Variants in JHY observed in about 807,000 individuals in gnomAD.
The protein encoded by JHY is jhy protein homolog.
JHY carries 69 observed loss-of-function variants against 78.0 expected under a neutral mutation model. The ratio of observed to expected loss-of-function variants is 0.88; its 90% CI spans 0.73 to 1.08. JHY has a LOEUF of 1.08. Ranked by LOEUF, JHY falls within the 50% of genes least tolerant of loss-of-function variation. The probability of loss-of-function intolerance (pLI) is 0.00; values close to 1 mark genes in which losing one functional copy is unlikely to be tolerated. For synonymous variants in JHY, 368 were observed against 342.6 expected, an observed-to-expected ratio of 1.07 and a Z score of -0.82; for missense variants, 944 against 927.8, an observed-to-expected ratio of 1.02 and a Z score of -0.23.
intron 3 of JHY, among the ~76,000 whole-genome samples, chr11:122,922,165 C>T (rs1863380389): frequency 6.6e-6 from 1 of 152,066 alleles, no homozygotes; most frequent in African/African-American, 2.4e-5. Flanking sequence ...ATTTTTGTTT[C>T]GTGTTTTAGG....
chr11:122,955,343 A>T (rs1864166435), intron 6 of JHY, among the ~76,000 whole-genome samples: 1 of 151,912 alleles, frequency 6.6e-6, no homozygotes, highest in African/African-American at 2.4e-5. Context: ...CTGGTCTCGA[A>T]CTCCTAACCT....
intron 3 of JHY, among the ~76,000 whole-genome samples, chr11:122,919,751 G>C (rs1030343026): frequency 5.3e-5 from 8 of 152,136 alleles, no homozygotes; most frequent in African/African-American, 1.9e-4. Flanking sequence ...GGCTGAGGTG[G>C]GCGGATCACC....
At chr11:122,919,187 A>C (rs1387022474) in intron 3 of JHY, among the ~76,000 whole-genome samples, 1 of 151,660 alleles carries the variant, frequency 6.6e-6, no homozygotes, top group African/African-American at 2.4e-5. Flanking sequence ...CCCCGTCTCT[A>C]CTAAAATTAC....
In JHY at chr11:122,904,237, G is replaced by A. The variant is rs756526451; in HGVS notation, c.657G>A (p.Glu219=). Residue 219 remains glutamate (E), a synonymous_variant, in exon 3 of 9, where the codon GAG becomes GAA. Transcript: ENST00000227349. The part of the protein sequence containing the change: ...PFSELSDSDL[E]EKSSSLSPYV... ...CAGAGCTGAGCGACAGTGACCTGGA[G>A]GAGAAGTCGAGCAGCCTTTCTCCGT... The A allele has an allele frequency of 2.5e-6, 4 of 1,614,056 alleles. No homozygotes were observed. In the East Asian group the frequency reaches 6.7e-5, roughly 27 times the overall value.
chr11:122,945,052 G>A (rs1863937261), intron 5 of JHY, among the ~76,000 whole-genome samples: 1 of 152,052 alleles, frequency 6.6e-6, no homozygotes, highest in South Asian at 2.1e-4. Flanking sequence ...TATCACACAT[G>A]TTCCCTTTGA....
At chr11:122,937,504 A>AT (rs1426345395) in intron 5 of JHY, among the ~76,000 whole-genome samples, 1 of 151,716 alleles carries the variant, frequency 6.6e-6, no homozygotes, top group African/African-American at 2.4e-5. Context: ...CTTTCTTCTG[A>AT]TAGGATTCTC....
At chr11:122,910,471 C>G (rs1223346401) in intron 3 of JHY, among the ~76,000 whole-genome samples, 1 of 132,946 alleles carries the variant, frequency 7.5e-6, no homozygotes, top group Non-Finnish European at 1.6e-5. Context: ...TTCTTGTCTC[C>G]AAAAAAAAAA....
intron 6 of JHY, chr11:122,947,111 T>C: frequency 4.3e-6 from 1 of 230,222 alleles, no homozygotes; most frequent in Non-Finnish European, 8.4e-6. Context: ...TTAGGAAAGC[T>C]TCCATACTCC....
Position 122,904,235 on chromosome 11 carries a change from G to C in JHY, c.655G>C (p.Glu219Gln). ...PFSELSDSDL[E>Q]EKSSSLSPYV... ...TTCAGAGCTGAGCGACAGTGACCTG[G>C]AGGAGAAGTCGAGCAGCCTTTCTCC... The change falls in exon 3 of 9, where the codon GAG becomes CAG. Residue 219 changes from glutamate to glutamine, a missense_variant. Transcript: ENST00000227349. 6.2e-7 allele frequency: 1 copy of C among 1,612,870 alleles called. No homozygotes were observed. Among genetic ancestry groups the C allele is most frequent in the Non-Finnish European group, 8.5e-7 (1 of 1,179,420 alleles).
intron 2 of JHY, among the ~76,000 whole-genome samples, chr11:122,895,257 T>G (rs1043965113): frequency 4.6e-5 from 7 of 152,336 alleles, no homozygotes; most frequent in South Asian, 2.1e-4. Flanking sequence ...AGGATTAAAT[T>G]AAACCTAAAT....
chr11:122,936,450 A>C (rs181362009), intron 5 of JHY, among the ~76,000 whole-genome samples: 70 of 152,132 alleles, frequency 4.6e-4, no homozygotes, highest in African/African-American at 1.7e-3. Flanking sequence ...CTGATTTTAG[A>C]AAGATTGTTT....
chr11:122,894,073 C>T (rs1426996755), intron 2 of JHY, among the ~76,000 whole-genome samples: 1 of 152,114 alleles, frequency 6.6e-6, no homozygotes, highest in Admixed American at 6.6e-5. Context: ...ATAATCCCAG[C>T]ACTTTGGGAG....
At chr11:122,955,386 G>A (rs1401700204) in intron 6 of JHY, among the ~76,000 whole-genome samples, 1 of 152,162 alleles carries the variant, frequency 6.6e-6, no homozygotes, top group African/African-American at 2.4e-5. Flanking sequence ...CCCCCAAAGT[G>A]CTGGCATTAC....
chr11:122,934,753 A>T lies in JHY; in HGVS notation c.1312A>T (p.Thr438Ser). Residue 438 changes from threonine to serine, a missense_variant, in exon 5 of 9, where the codon ACC becomes TCC. Physicochemically the swap from Thr to Ser is moderately conservative, Grantham distance 58. Coordinates refer to ENST00000227349, the MANE Select transcript of JHY (RefSeq NM_024806.4). The stretch of plus-strand genomic sequence containing the variant: ...ACTTAGAAGCCACAATCTCAAAGAA[A>T]CCTCCAATACATTTGCTCCACCAAA... ...RALRSHNLKETSNTFAPPKQA... is the reference protein window; with the variant it reads ...RALRSHNLKESSNTFAPPKQA... 1 of 1,614,084 alleles carries T rather than the reference A, an allele frequency of 6.2e-7. No homozygotes were observed.
intron 4 of JHY, among the ~76,000 whole-genome samples, chr11:122,932,862 T>C (rs1479775284): frequency 1.3e-5 from 2 of 152,160 alleles, no homozygotes; most frequent in Non-Finnish European, 1.5e-5. Context: ...TTACCTGGAA[T>C]ACAGAAGAGA....
At chr11:122,913,221 G>T (rs913517560) in intron 3 of JHY, among the ~76,000 whole-genome samples, 1 of 152,098 alleles carries the variant, frequency 6.6e-6, no homozygotes, top group African/African-American at 2.4e-5. Context: ...CTGTCCTAGG[G>T]ATTACAGAAC....
chr11:122,894,276 C>A (rs1862690100), intron 2 of JHY, among the ~76,000 whole-genome samples: 2 of 151,900 alleles, frequency 1.3e-5, no homozygotes, highest in African/African-American at 2.4e-5. Context: ...CGTTGCACTC[C>A]AGCCTGGGGA....
chr11:122,930,012 G>A (rs1863603259), intron 4 of JHY, among the ~76,000 whole-genome samples: 1 of 152,126 alleles, frequency 6.6e-6, no homozygotes. Flanking sequence ...ATGAGAGATG[G>A]GGAGCAGAGA....
chr11:122,950,067 C>T (rs1039560911), intron 6 of JHY, among the ~76,000 whole-genome samples: 2 of 152,064 alleles, frequency 1.3e-5, no homozygotes, highest in Non-Finnish European at 2.9e-5. Flanking sequence ...CTCCTGACCT[C>T]AGATGATCCA....
Sources: allele counts gnomAD v4.1 joint callset (sites outside exome capture counted in the v4.1 genomes callset), GRCh38; gene constraint gnomAD v4.1.1; transcripts MANE v1.5; gene names NCBI Gene and HGNC (gene_info 2026-07-23, HGNC 2026-07-21).